Variants in RHBDL2 observed in about 807,000 individuals in gnomAD.
The protein encoded by RHBDL2 is rhomboid-related protein 2.
In RHBDL2, 26 loss-of-function variants were observed where a neutral mutation model predicts 31.7. The observed-to-expected ratio is 0.82, with a 90% CI of 0.60 to 1.14. The LOEUF is 1.14. Among genes scored for constraint, RHBDL2 ranks in the 50% most tolerant of loss-of-function variants. RHBDL2 has a pLI of 0.00. For missense variants in RHBDL2, 336 were observed against 364.4 expected, an observed-to-expected ratio of 0.92 and a Z score of 0.63; for synonymous variants, 123 against 127.2, an observed-to-expected ratio of 0.97 and a Z score of 0.22.
intron 3 of RHBDL2, among the ~76,000 whole-genome samples, chr1:38,913,904 G>A (rs1322229613): frequency 6.6e-6 from 1 of 152,084 alleles, no homozygotes; most frequent in Non-Finnish European, 1.5e-5. Context: ...GGATCACAAG[G>A]TCAGGAGATT....
At chr1:38,914,327 C>T (rs1225344620) in intron 3 of RHBDL2, among the ~76,000 whole-genome samples, 10 of 151,904 alleles carry the variant, frequency 6.6e-5, no homozygotes, top group African/African-American at 2.2e-4. Flanking sequence ...CTGCAACCTC[C>T]GCCTCCTGGG....
intron 4 of RHBDL2, among the ~76,000 whole-genome samples, chr1:38,902,835 A>G (rs915608151): frequency 2.6e-5 from 4 of 152,062 alleles, no homozygotes; most frequent in Non-Finnish European, 4.4e-5. Flanking sequence ...TACAGGCGTG[A>G]GCCACCACGC....
chr1:38,925,443 G>C (rs1643364293), intron 1 of RHBDL2, among the ~76,000 whole-genome samples: 1 of 152,030 alleles, frequency 6.6e-6, no homozygotes, highest in Non-Finnish European at 1.5e-5. Context: ...GGTTGCAGTG[G>C]GAGGCGGAGG....
intron 4 of RHBDL2, among the ~76,000 whole-genome samples, chr1:38,910,753 C>CTTTTTTTTTTT (rs765064879): frequency 1.7e-3 from 192 of 110,890 alleles, no homozygotes; most frequent in African/African-American, 3.1e-3. Flanking sequence ...TATTCCTTTT[C>CTTTTTTTTTTT]TTTTTTTTTT....
chr1:38,936,563 G>A (rs184831614), intron 1 of RHBDL2, among the ~76,000 whole-genome samples: 35 of 150,498 alleles, frequency 2.3e-4, no homozygotes, highest in African/African-American at 7.1e-4. Context: ...GCAATGGCGC[G>A]ATCTCAGCTC....
chr1:38,907,230 C>T (rs539149393), intron 4 of RHBDL2, among the ~76,000 whole-genome samples: 1 of 152,310 alleles, frequency 6.6e-6, no homozygotes, highest in South Asian at 2.1e-4. Flanking sequence ...ACCTCAAACT[C>T]AAAATGGGTT....
chr1:38,928,603 C>T (rs150522422), intron 1 of RHBDL2, among the ~76,000 whole-genome samples: 6,781 of 151,988 alleles, frequency 0.045, 476 homozygotes, highest in African/African-American at 0.15. Context: ...TGCGCCACCA[C>T]GCCTGGCTAA....
chr1:38,895,895 T>C, intron 5 of RHBDL2, 74 bp downstream of exon 5: 1 of 907,526 alleles, frequency 1.1e-6, no homozygotes, highest in Non-Finnish European at 1.7e-6. Flanking sequence ...AAATGAAGGT[T>C]CGTTGAAACA....
intron 4 of RHBDL2, among the ~76,000 whole-genome samples, chr1:38,896,314 C>G (rs1038347858): frequency 6.6e-6 from 1 of 152,134 alleles, no homozygotes; most frequent in African/African-American, 2.4e-5. Flanking sequence ...TCGTCTGGAG[C>G]CAGAATTACC....
At chr1:38,915,234 G>A (rs555912916) in intron 3 of RHBDL2, among the ~76,000 whole-genome samples, 1 of 150,844 alleles carries the variant, frequency 6.6e-6, no homozygotes, top group South Asian at 2.1e-4. Flanking sequence ...CCAGGTTCAA[G>A]CAATTCTCCT....
intron 1 of RHBDL2, among the ~76,000 whole-genome samples, chr1:38,932,460 CTGTTA>C: frequency 6.6e-6 from 1 of 152,114 alleles, no homozygotes; most frequent in Non-Finnish European, 1.5e-5. Context: ...CTTGGTTTTT[CTGTTA>C]TTTGTTTGTT....
At chr1:38,910,478 G>C (rs552962342) in intron 4 of RHBDL2, among the ~76,000 whole-genome samples, 1 of 152,248 alleles carries the variant, frequency 6.6e-6, no homozygotes, top group Admixed American at 6.5e-5. Context: ...ATGGATGGGA[G>C]TTCTAATATT....
chr1:38,902,106 T>G (rs1289297889), intron 4 of RHBDL2, among the ~76,000 whole-genome samples: 1 of 151,292 alleles, frequency 6.6e-6, no homozygotes, highest in Non-Finnish European at 1.5e-5. Context: ...GGCCATATTC[T>G]GGACCATAAA....
chr1:38,934,190 T>C (rs952111363), intron 1 of RHBDL2, among the ~76,000 whole-genome samples: 1 of 150,746 alleles, frequency 6.6e-6, no homozygotes, highest in South Asian at 2.1e-4. Context: ...CTATGAAAAA[T>C]GCAAAAAATT....
intron 2 of RHBDL2, among the ~76,000 whole-genome samples, chr1:38,918,425 G>A (rs146660133): frequency 4.6e-5 from 7 of 152,234 alleles, no homozygotes; most frequent in African/African-American, 1.7e-4. Flanking sequence ...GTGACCTTGG[G>A]ATAGTCATCC....
At chr1:38,914,511 G>A (rs1643202129) in intron 3 of RHBDL2, among the ~76,000 whole-genome samples, 1 of 151,670 alleles carries the variant, frequency 6.6e-6, no homozygotes, top group South Asian at 2.1e-4. Flanking sequence ...CAAAGTGCTG[G>A]GATTACAGGT....
chr1:38,917,815 G>A (rs74636511), intron 2 of RHBDL2, among the ~76,000 whole-genome samples: 4,156 of 152,296 alleles, frequency 0.027, 191 homozygotes, highest in African/African-American at 0.089. Context: ...AATTTTATGT[G>A]TCAACTTAGC....
Position 38,911,210 on chromosome 1 carries a change from T to C in RHBDL2, c.508+112A>G, listed in dbSNP as rs540449260. ...GCTTAATGTGTTCCCGAGCACATAT[T>C]AGGAGTGCAGTAAACCTTGACTTAA... On this transcript the variant is annotated intron_variant, in intron 4 of 7. Coordinates refer to ENST00000372990, the MANE Select transcript of RHBDL2 (RefSeq NM_017821.5). 6.3e-4 allele frequency: 418 copies of C among 666,568 alleles called. 2 individuals are homozygous for C. The African/African-American group carries it at 6.7e-3, about 11-fold the overall frequency. 41.3% of individuals were successfully genotyped at this position (666,568 alleles called of 1,614,324 possible). A position where few individuals can be genotyped will look rare whatever the true frequency, so the allele number is the denominator to read the frequency against.
chr1:38,899,391 C>T (rs61780050), intron 4 of RHBDL2, among the ~76,000 whole-genome samples: 1 of 152,182 alleles, frequency 6.6e-6, no homozygotes, highest in Non-Finnish European at 1.5e-5. Flanking sequence ...ATCCCAATAG[C>T]ATGAACTGTC....
Sources: gnomAD v4.1 joint callset for allele counts (sites outside exome capture counted in the v4.1 genomes callset) on GRCh38, gnomAD v4.1.1 for gene constraint, MANE v1.5 for transcripts, NCBI Gene and HGNC (gene_info 2026-07-23, HGNC 2026-07-21) for gene names.